Variants in GTF2IRD1 observed in about 807,000 individuals in gnomAD.
GTF2IRD1 encodes general transcription factor II-I repeat domain-containing protein 1.
A neutral mutation model predicts 113.2 loss-of-function variants in GTF2IRD1; 26 were observed. The observed-to-expected ratio is 0.23, with a 90% CI of 0.17 to 0.32. The LOEUF (loss-of-function observed/expected upper bound fraction) is 0.32. GTF2IRD1 is among the 10% of genes least tolerant of loss of function. The probability of loss-of-function intolerance (pLI) is 1.00; values close to 1 mark genes in which losing one functional copy is unlikely to be tolerated. For missense variants in GTF2IRD1, 864 were observed against 1,280.8 expected (o/e 0.67, Z 4.97); for synonymous variants, 484 against 529.1 (o/e 0.91, Z 1.17).
chr7:74,507,238 C>G (rs1796345228), intron 1 of GTF2IRD1: 1 of 152,152 alleles, frequency 6.6e-6, no homozygotes, highest in African/African-American at 2.4e-5. Flanking sequence ...CTTTGGGAGG[C>G]TGAGGTGGGC....
rs76349540 is a variant in GTF2IRD1 at position 74,600,614 on chromosome 7, G to A, written c.2630-430G>A. On this transcript the variant is annotated intron_variant, in intron 25 of 26. Transcript: ENST00000424337. ...TAACCCCAGCTACTTGGGAGGCTCA[G>A]GCACTAGAATCGCTTGAACCCAGAA... is the stretch of plus-strand genomic sequence containing the variant. Among the ~76,000 whole-genome samples the A allele has an allele frequency of 5.6e-3, 847 of 152,238 alleles. 5 individuals carry two copies. Among genetic ancestry groups the A allele is most frequent in the Admixed American group, 0.011 (164 of 15,236 alleles).
intron 1 of GTF2IRD1, among the ~76,000 whole-genome samples, chr7:74,480,485 C>T (rs1290995483): frequency 6.6e-6 from 1 of 152,238 alleles, no homozygotes; most frequent in Non-Finnish European, 1.5e-5. Context: ...TGGAGAGTCC[C>T]CGCCGGCTGA....
At chr7:74,500,990 T>C (rs1022851247) in intron 1 of GTF2IRD1, among the ~76,000 whole-genome samples, 3 of 152,136 alleles carry the variant, frequency 2.0e-5, no homozygotes, top group East Asian at 1.9e-4. Context: ...TTTTAGAAAA[T>C]TATTTCATTG....
intron 1 of GTF2IRD1, among the ~76,000 whole-genome samples, chr7:74,472,683 C>T (rs1031098805): frequency 3.9e-5 from 6 of 152,168 alleles, no homozygotes; most frequent in Admixed American, 6.5e-5. Flanking sequence ...ACCCGGGAGG[C>T]GGAGATTGCA....
chr7:74,549,854 G>A (rs1317296910), intron 17 of GTF2IRD1, among the ~76,000 whole-genome samples: 1 of 152,120 alleles, frequency 6.6e-6, no homozygotes, highest in Non-Finnish European at 1.5e-5. Flanking sequence ...TGACCACTAT[G>A]GAGAAACCCC....
In GTF2IRD1 at chr7:74,542,000, G is replaced by A. The variant is rs587609257; in HGVS notation, c.1618+2032G>A. Among the ~76,000 whole-genome samples, 98 of 152,154 alleles carry A rather than the reference G, an allele frequency of 6.4e-4. 1 individual carries two copies. In the South Asian group the frequency reaches 0.02, roughly 31 times the overall value. On this transcript the variant is annotated intron_variant, in intron 14 of 26. Coordinates refer to ENST00000424337, the MANE Select transcript of GTF2IRD1 (RefSeq NM_005685.4). ...AGTCCCATCTACTCAGGAGGCTGAGGCAGGAGGATCCTTTGAGCCCAGGAG... is the reference window on the plus strand; with the variant it reads ...AGTCCCATCTACTCAGGAGGCTGAGACAGGAGGATCCTTTGAGCCCAGGAG...
rs200488760 is a variant in GTF2IRD1, at chr7:74,520,842, CTATTATTATTAT to C, written c.917-332_917-321del. 6.4e-3 allele frequency among the ~76,000 whole-genome samples: 831 copies of C among 129,072 alleles called. 6 individuals carry two copies. Among genetic ancestry groups the C allele is most frequent in the African/African-American group, 0.017 (595 of 34,230 alleles). The allele number at this position is 129,072 out of a possible 152,430, so 84.7% of individuals were successfully genotyped here. On this transcript the variant is annotated intron_variant, in intron 6 of 26. Coordinates refer to ENST00000424337, the MANE Select transcript of GTF2IRD1 (RefSeq NM_005685.4). The stretch of plus-strand genomic sequence containing the variant: ...AGTAGGTGCTTGTAAGTTATATATA[CTATTATTATTAT>C]TATTATTATTATTATTATTATTATT...
intron 5 of GTF2IRD1, among the ~76,000 whole-genome samples, chr7:74,519,190 C>T (rs1333412767): frequency 6.6e-6 from 1 of 152,166 alleles, no homozygotes; most frequent in Non-Finnish European, 1.5e-5. Context: ...AGGGGCAGGG[C>T]CCAGGTCCTC....
chr7:74,601,459 G>T lies in GTF2IRD1; in HGVS notation c.2766+279G>T, dbSNP rs191765174. The T allele has an allele frequency of 2.8e-6, 4 of 1,445,158 alleles. No individual in the cohort carries two copies. In the African/African-American group the frequency reaches 4.3e-5, roughly 15 times the overall value. 89.5% of individuals were successfully genotyped at this position (1,445,158 alleles called of 1,614,324 possible). ...GTCCACCTGCCCACACCCTTCAGCC[G>T]CACCAGAGCTGGAGACATGAAAAGA... On this transcript the variant is annotated intron_variant, in intron 26 of 26. Coordinates refer to ENST00000424337, the MANE Select transcript of GTF2IRD1 (RefSeq NM_005685.4).
intron 3 of GTF2IRD1, chr7:74,515,204 T>C: frequency 1.4e-6 from 1 of 707,646 alleles, no homozygotes; most frequent in Non-Finnish European, 2.4e-6. Flanking sequence ...CACAGCAAAT[T>C]AGAGGTGACC....
intron 26 of GTF2IRD1, 68 bp downstream of exon 26, chr7:74,601,248 C>T (rs950466267): frequency 3.9e-6 from 6 of 1,551,630 alleles, no homozygotes; most frequent in Admixed American, 2.0e-5. Context: ...CTGGCAGGGC[C>T]GTCTACTCTG....
At chr7:74,490,114 G>A (rs896717496) in intron 1 of GTF2IRD1, among the ~76,000 whole-genome samples, 6 of 152,024 alleles carry the variant, frequency 3.9e-5, no homozygotes, top group African/African-American at 1.2e-4. Context: ...CAACAGGCAC[G>A]CACCACCACA....
At chr7:74,454,637 C>G (rs1792842502) in intron 1 of GTF2IRD1, among the ~76,000 whole-genome samples, 1 of 152,076 alleles carries the variant, frequency 6.6e-6, no homozygotes, top group Non-Finnish European at 1.5e-5. Context: ...CCCGCGCCCC[C>G]AACTCCCAGG....
chr7:74,492,458 C>A (rs558186531), intron 1 of GTF2IRD1, among the ~76,000 whole-genome samples: 1 of 152,228 alleles, frequency 6.6e-6, no homozygotes, highest in South Asian at 2.1e-4. Flanking sequence ...GTGTGAGCCA[C>A]CACGCCTGGC....
At chr7:74,528,670 A>G (rs1039436775) in intron 8 of GTF2IRD1, among the ~76,000 whole-genome samples, 3 of 146,146 alleles carry the variant, frequency 2.1e-5, no homozygotes, top group Admixed American at 2.0e-4. Context: ...CAAACACCTG[A>G]AAGGAGGGAG....
chr7:74,542,385 A>C (rs1180426156), intron 14 of GTF2IRD1, among the ~76,000 whole-genome samples: 8 of 152,068 alleles, frequency 5.3e-5, no homozygotes, highest in Admixed American at 1.3e-4. Flanking sequence ...AACAGAGTGA[A>C]ATTCTATCTC....
intron 22 of GTF2IRD1, among the ~76,000 whole-genome samples, chr7:74,578,510 G>A (rs1801215561): frequency 6.6e-6 from 1 of 152,174 alleles, no homozygotes; most frequent in Admixed American, 6.6e-5. Flanking sequence ...GCGTGTTATT[G>A]AATAGAGTCT....
At chr7:74,515,267 T>G in intron 3 of GTF2IRD1, 174 bp from the exon 4 acceptor site, 1 of 1,340,358 alleles carries the variant, frequency 7.5e-7, no homozygotes, top group Non-Finnish European at 1.0e-6. Context: ...TGGCCCTCAG[T>G]GGGGTGGTTG....
At chr7:74,493,191 C>T (rs1401152964) in intron 1 of GTF2IRD1, among the ~76,000 whole-genome samples, 1 of 150,996 alleles carries the variant, frequency 6.6e-6, no homozygotes, top group East Asian at 2.0e-4. Context: ...CTCACAGCAT[C>T]CTTGACCTCC....
Sources: allele counts gnomAD v4.1 joint callset (sites outside exome capture counted in the v4.1 genomes callset), GRCh38; gene constraint gnomAD v4.1.1; transcripts MANE v1.5; gene names NCBI Gene and HGNC (gene_info 2026-07-23, HGNC 2026-07-21).